Variants in PRICKLE1 observed in about 807,000 individuals in gnomAD.
PRICKLE1 encodes prickle-like protein 1.
In PRICKLE1, 14 loss-of-function variants were observed where a neutral mutation model predicts 70.2. That is an observed-to-expected ratio of 0.20 (90% confidence interval 0.13 to 0.31). PRICKLE1 has a LOEUF of 0.31. Among genes scored for constraint, PRICKLE1 ranks in the 10% least tolerant of loss-of-function variants. The pLI is 1.00. For missense variants in PRICKLE1, 821 were observed against 1,026.2 expected (o/e 0.80, Z 2.73); for synonymous variants, 357 against 379.9 (o/e 0.94, Z 0.70).
In PRICKLE1 at chr12:42,502,312, TTTTC is replaced by T. The variant is rs559661284; in HGVS notation, c.-48-29752_-48-29749del. ...ATATATTTGTTTTTCTTTTCTTTTC[TTTTC>T]TTTTTTTTTGAGACAGGGTCTCATT... On this transcript the variant is annotated intron_variant, in intron 1 of 7. Coordinates refer to ENST00000345127, the MANE Select transcript of PRICKLE1 (RefSeq NM_153026.3). 9.9e-3 allele frequency among the ~76,000 whole-genome samples: 1,209 copies of T among 122,568 alleles called. 11 individuals carry two copies. Among genetic ancestry groups the T allele is most frequent in the Middle Eastern group, 0.044 (11 of 248 alleles). The allele number at this position is 122,568 out of a possible 152,430, so 80.4% of individuals were successfully genotyped here. A position where few individuals can be genotyped will look rare whatever the true frequency, so the allele number is the denominator to read the frequency against.
intron 1 of PRICKLE1, among the ~76,000 whole-genome samples, chr12:42,478,664 G>A (rs1182125291): frequency 6.6e-6 from 1 of 151,248 alleles, no homozygotes; most frequent in East Asian, 1.9e-4. Flanking sequence ...CAGAAAAGAA[G>A]GGTATGGTCA....
chr12:42,532,669 G>T (rs1450731203), intron 1 of PRICKLE1, among the ~76,000 whole-genome samples: 1 of 152,038 alleles, frequency 6.6e-6, no homozygotes, highest in Non-Finnish European at 1.5e-5. Flanking sequence ...AGGCTGAGGC[G>T]GGCGGATCAC....
intron 1 of PRICKLE1, among the ~76,000 whole-genome samples, chr12:42,509,807 G>A (rs1409976086): frequency 6.6e-6 from 1 of 152,050 alleles, no homozygotes; most frequent in Non-Finnish European, 1.5e-5. Context: ...CGGCGAGGTG[G>A]CTCACACCTG....
intron 1 of PRICKLE1, among the ~76,000 whole-genome samples, chr12:42,564,253 TA>T (rs145741201): frequency 2.7e-4 from 4 of 14,750 alleles, no homozygotes; most frequent in African/African-American, 5.3e-4. Flanking sequence ...AGACTCTGTC[TA>T]AAAAAAAAAA....
chr12:42,581,151 T>C (rs1231678022), intron 1 of PRICKLE1, among the ~76,000 whole-genome samples: 1 of 152,182 alleles, frequency 6.6e-6, no homozygotes, highest in Non-Finnish European at 1.5e-5. Context: ...ACCTACTGCA[T>C]TAAAATCTGT....
At chr12:42,531,671 T>C (rs1939920254) in intron 1 of PRICKLE1, among the ~76,000 whole-genome samples, 1 of 152,198 alleles carries the variant, frequency 6.6e-6, no homozygotes, top group Non-Finnish European at 1.5e-5. Context: ...GAGTTGACTT[T>C]TCAAAAACAA....
intron 1 of PRICKLE1, among the ~76,000 whole-genome samples, chr12:42,497,640 G>A (rs1669930): frequency 0.8 from 121,103 of 151,934 alleles, 48,569 homozygotes; most frequent in Middle Eastern, 0.87. Flanking sequence ...AACATCAAAG[G>A]TCACTGATCA....
chr12:42,570,766 G>C (rs1940697133), intron 1 of PRICKLE1, among the ~76,000 whole-genome samples: 1 of 152,186 alleles, frequency 6.6e-6, no homozygotes, highest in Admixed American at 6.5e-5. Context: ...GTTGCAGTGA[G>C]CCGAGATTGT....
chr12:42,496,674 C>A (rs775743970), intron 1 of PRICKLE1, among the ~76,000 whole-genome samples: 17 of 152,254 alleles, frequency 1.1e-4, no homozygotes, highest in Non-Finnish European at 2.4e-4. Context: ...TCCATCACCA[C>A]TCGCTACTTC....
At chr12:42,502,379 C>G (rs962880404) in intron 1 of PRICKLE1, among the ~76,000 whole-genome samples, 4 of 151,682 alleles carry the variant, frequency 2.6e-5, no homozygotes, top group Non-Finnish European at 5.9e-5. Context: ...ACGATCAAAG[C>G]TCACTGCAGC....
At chr12:42,556,662 A>G (rs1487781189) in intron 1 of PRICKLE1, among the ~76,000 whole-genome samples, 1 of 152,224 alleles carries the variant, frequency 6.6e-6, no homozygotes, top group Non-Finnish European at 1.5e-5. Context: ...AATGAGTTTT[A>G]TAATTAGTCA....
At chr12:42,509,665 G>A (rs920943736) in intron 1 of PRICKLE1, among the ~76,000 whole-genome samples, 7 of 152,000 alleles carry the variant, frequency 4.6e-5, no homozygotes, top group Non-Finnish European at 8.8e-5. Context: ...GCAAGACCTC[G>A]TCCTTAATAA....
At chr12:42,539,929 T>C (rs1281534857) in intron 1 of PRICKLE1, among the ~76,000 whole-genome samples, 4 of 152,212 alleles carry the variant, frequency 2.6e-5, no homozygotes, top group Admixed American at 6.5e-5. Context: ...TACAATCTAA[T>C]GTCCTGGAGA....
At chr12:42,517,965 G>T (rs965275856) in intron 1 of PRICKLE1, among the ~76,000 whole-genome samples, 7 of 151,604 alleles carry the variant, frequency 4.6e-5, no homozygotes, top group African/African-American at 1.7e-4. Context: ...TCTCTCCCAG[G>T]CCTGGGTTTA....
intron 1 of PRICKLE1, among the ~76,000 whole-genome samples, chr12:42,493,431 T>C (rs1669926): frequency 0.81 from 122,945 of 152,118 alleles, 50,220 homozygotes; most frequent in African/African-American, 0.92. Context: ...TCTGATAGGG[T>C]AATGGTTAAC....
chr12:42,496,027 A>T (rs369840509), intron 1 of PRICKLE1, among the ~76,000 whole-genome samples: 17 of 152,370 alleles, frequency 1.1e-4, no homozygotes, highest in Middle Eastern at 6.8e-3. Context: ...CCTTTTGCAG[A>T]AAGTTTTCAG....
intron 1 of PRICKLE1, among the ~76,000 whole-genome samples, chr12:42,552,263 T>G (rs1218709684): frequency 6.6e-6 from 1 of 152,102 alleles, no homozygotes; most frequent in Non-Finnish European, 1.5e-5. Context: ...AGACAGGGTT[T>G]TGCCATGTTG....
At chr12:42,522,960 A>C (rs1939736015) in intron 1 of PRICKLE1, among the ~76,000 whole-genome samples, 1 of 116,920 alleles carries the variant, frequency 8.6e-6, no homozygotes, top group Admixed American at 1.0e-4. Context: ...TGATTCTAAC[A>C]TATTTTTTTT....
chr12:42,573,336 C>T (rs900400868), intron 1 of PRICKLE1, among the ~76,000 whole-genome samples: 4 of 152,102 alleles, frequency 2.6e-5, no homozygotes, highest in Admixed American at 6.6e-5. Flanking sequence ...GACAATTCTG[C>T]GCTGGGCTGC....
Sources: allele counts gnomAD v4.1 joint callset (sites outside exome capture counted in the v4.1 genomes callset), GRCh38; gene constraint gnomAD v4.1.1; transcripts MANE v1.5; gene names NCBI Gene and HGNC (gene_info 2026-07-23, HGNC 2026-07-21).